The following ZNF652 variants were observed in gnomAD, a reference collection of about 807,000 sequenced individuals.
ZNF652 encodes zinc finger protein 652.
Under a neutral mutation model 45.2 loss-of-function variants are expected in ZNF652, and 16 were observed. The observed-to-expected ratio is 0.35, with a 90% CI of 0.24 to 0.54. ZNF652 has a LOEUF of 0.54. Ranked by LOEUF, ZNF652 falls within the 20% of genes least tolerant of loss-of-function variation. ZNF652 has a pLI of 0.91. For missense variants in ZNF652, 614 were observed against 765.6 expected (o/e 0.80, Z 2.34); for synonymous variants, 250 against 260.6 (o/e 0.96, Z 0.39).
intron 5 of ZNF652, among the ~76,000 whole-genome samples, chr17:49,307,434 A>AG (rs1258309989): frequency 1.1e-4 from 14 of 126,504 alleles, no homozygotes; most frequent in African/African-American, 3.9e-4. Context: ...CTGTCTCAAA[A>AG]GAAAAAAAAA....
At chr17:49,332,383 A>C (rs924440343) in intron 1 of ZNF652, among the ~76,000 whole-genome samples, 11 of 152,256 alleles carry the variant, frequency 7.2e-5, no homozygotes, top group African/African-American at 2.7e-4. Context: ...ACCCAAACAT[A>C]ATGTATGCAA....
chr17:49,310,894 C>A (rs933747344), intron 5 of ZNF652, among the ~76,000 whole-genome samples: 7 of 152,070 alleles, frequency 4.6e-5, no homozygotes, highest in Non-Finnish European at 1.0e-4. Flanking sequence ...GGAAAAGAGA[C>A]CCTGTCTTAA....
At chr17:49,301,538 T>C (rs2069552531) in intron 5 of ZNF652, among the ~76,000 whole-genome samples, 1 of 152,130 alleles carries the variant, frequency 6.6e-6, no homozygotes, top group Non-Finnish European at 1.5e-5. Flanking sequence ...CCTCAGGTGA[T>C]CCGCCCACCT....
chr17:49,335,963 C>T (rs1005754965), intron 1 of ZNF652, among the ~76,000 whole-genome samples: 5 of 151,118 alleles, frequency 3.3e-5, no homozygotes, highest in African/African-American at 1.2e-4. Flanking sequence ...AGGCAATATG[C>T]AAAAAAGGAT....
intron 1 of ZNF652, among the ~76,000 whole-genome samples, chr17:49,319,035 A>G (rs916036843): frequency 1.3e-5 from 2 of 152,296 alleles, no homozygotes; most frequent in South Asian, 4.1e-4. Flanking sequence ...ATTCTAAGAA[A>G]CCATAACCAT....
intron 1 of ZNF652, among the ~76,000 whole-genome samples, chr17:49,321,821 ATAT>A (rs1374225455): frequency 6.6e-6 from 1 of 152,234 alleles, no homozygotes; most frequent in Non-Finnish European, 1.5e-5. Flanking sequence ...CAGAAGGTAG[ATAT>A]TATACCATAA....
intron 1 of ZNF652, among the ~76,000 whole-genome samples, chr17:49,331,666 TAAAAA>T (rs558161065): frequency 0.012 from 1,393 of 115,092 alleles, 22 homozygotes; most frequent in African/African-American, 0.043. Flanking sequence ...AATAAAAAAA[TAAAAA>T]TCACAAATAT....
At chr17:49,344,327 T>G (rs1160391476) in intron 1 of ZNF652, among the ~76,000 whole-genome samples, 2 of 151,862 alleles carry the variant, frequency 1.3e-5, no homozygotes, top group African/African-American at 4.8e-5. Flanking sequence ...ATTGCACCAC[T>G]GCACTCTAGC....
chr17:49,328,991 G>A (rs1380227883), intron 1 of ZNF652, among the ~76,000 whole-genome samples: 1 of 152,140 alleles, frequency 6.6e-6, no homozygotes, highest in Non-Finnish European at 1.5e-5. Context: ...ATGTACTTAG[G>A]TTTTTGAACA....
chr17:49,354,617 A>AAG (rs1451087118), intron 1 of ZNF652, among the ~76,000 whole-genome samples: 1 of 150,978 alleles, frequency 6.6e-6, no homozygotes, highest in Non-Finnish European at 1.5e-5. Context: ...CCTCAAAAAA[A>AAG]AAAAACAAAA....
In ZNF652 at chr17:49,296,399, T is replaced by A. The variant is rs1477789875; in HGVS notation, c.*2014A>T. 3 of 152,572 alleles carry A rather than the reference T, an allele frequency of 2.0e-5. No homozygotes were observed. In the East Asian group the frequency reaches 5.8e-4, roughly 29 times the overall value. 9.5% of individuals were successfully genotyped at this position (152,572 alleles called of 1,614,324 possible). ...ACGTGATGTTTGAAAAATATGGACT[T>A]AATCTCAATTGAAAGAGTTCATTTT... On this transcript the variant is annotated 3_prime_UTR_variant, in exon 6 of 6. Transcript: ENST00000430262.
At chr17:49,349,836 A>G (rs1179284628) in intron 1 of ZNF652, among the ~76,000 whole-genome samples, 3 of 152,234 alleles carry the variant, frequency 2.0e-5, no homozygotes, top group Non-Finnish European at 4.4e-5. Flanking sequence ...GGCCTTGGGC[A>G]GAACTATCTG....
chr17:49,348,220 T>C (rs1034423563), intron 1 of ZNF652, among the ~76,000 whole-genome samples: 3 of 151,990 alleles, frequency 2.0e-5, no homozygotes, highest in African/African-American at 7.3e-5. Flanking sequence ...AGGCTGCGCA[T>C]GGTGGCGTAT....
intron 5 of ZNF652, among the ~76,000 whole-genome samples, chr17:49,303,625 C>T (rs1230384035): frequency 2.0e-5 from 3 of 152,048 alleles, no homozygotes; most frequent in African/African-American, 7.2e-5. Flanking sequence ...TCTAAGCTCC[C>T]CTGCTCTGTG....
At chr17:49,321,170 G>A (rs543967771) in intron 1 of ZNF652, among the ~76,000 whole-genome samples, 1 of 152,224 alleles carries the variant, frequency 6.6e-6, no homozygotes, top group African/African-American at 2.4e-5. Context: ...TTTCCTTCTG[G>A]CACAGTGGCT....
At chr17:49,310,565 A>G (rs766260012) in intron 5 of ZNF652, among the ~76,000 whole-genome samples, 2 of 152,222 alleles carry the variant, frequency 1.3e-5, no homozygotes, top group Non-Finnish European at 2.9e-5. Context: ...GTGTTCCTGA[A>G]AAGTAGTGAA....
At chr17:49,302,191 T>A (rs902010121) in intron 5 of ZNF652, among the ~76,000 whole-genome samples, 5 of 149,670 alleles carry the variant, frequency 3.3e-5, no homozygotes, top group Non-Finnish European at 7.4e-5. Context: ...GAGGCAGAGG[T>A]TGCAGTGAGC....
rs1384311536 is a variant in ZNF652 at position 49,289,558 on chromosome 17, C to T, written c.*8855G>A. On this transcript the variant is annotated 3_prime_UTR_variant, in exon 6 of 6. Coordinates refer to ENST00000430262, the MANE Select transcript of ZNF652 (RefSeq NM_001145365.3). ...ACTCAGGGAAGCCGGGCAGCATGGG[C>T]TCCTTTGGAGATTCAGGAGCGGAGC... 2 of 152,246 alleles carry T rather than the reference C, an allele frequency of 1.3e-5. No individual in the cohort carries two copies. The highest frequency in any genetic ancestry group is 4.8e-5 in the African/African-American group (2 of 41,462). The allele number at this position is 152,246 out of a possible 1,614,324, so 9.4% of individuals were successfully genotyped here.
intron 1 of ZNF652, among the ~76,000 whole-genome samples, chr17:49,345,666 CCT>C (rs2070197446): frequency 6.7e-6 from 1 of 150,322 alleles, no homozygotes; most frequent in Non-Finnish European, 1.5e-5. Flanking sequence ...ACGGTGAATC[CCT>C]GTCTCTACTA....
Sources: allele counts gnomAD v4.1 joint callset (sites outside exome capture counted in the v4.1 genomes callset), GRCh38; gene constraint gnomAD v4.1.1; transcripts MANE v1.5; gene names NCBI Gene and HGNC (gene_info 2026-07-23, HGNC 2026-07-21).